Variants in PCDHA3 observed in about 807,000 individuals in gnomAD.
PCDHA3 encodes protocadherin alpha 3.
Under a neutral mutation model 62.2 loss-of-function variants are expected in PCDHA3, and 41 were observed. The observed-to-expected ratio is 0.66, with a 90% CI of 0.51 to 0.86. The LOEUF (loss-of-function observed/expected upper bound fraction) is 0.86, where lower values mean the gene tolerates loss of function less well. PCDHA3 is among the 40% of genes least tolerant of loss of function. The probability of loss-of-function intolerance (pLI) is 0.00; values close to 1 mark genes in which losing one functional copy is unlikely to be tolerated. For missense variants in PCDHA3, 1,304 were observed against 1,241.2 expected (o/e 1.05, Z -0.76); for synonymous variants, 640 against 555.4 (o/e 1.15, Z -2.14).
intron 1 of PCDHA3, chr5:140,858,285 G>T: frequency 6.3e-7 from 1 of 1,597,520 alleles, no homozygotes; most frequent in Non-Finnish European, 8.6e-7. Flanking sequence ...GTGGGGAGCT[G>T]GTCTTACTCG....
At chr5:141,007,145 A>C (rs528280563) in intron 3 of PCDHA3, among the ~76,000 whole-genome samples, 1 of 152,330 alleles carries the variant, frequency 6.6e-6, no homozygotes, top group Admixed American at 6.5e-5. Context: ...CTGACAAAGG[A>C]AACTGTCAAA....
intron 1 of PCDHA3, among the ~76,000 whole-genome samples, chr5:140,941,907 CT>C (rs1379926904): frequency 7.2e-5 from 11 of 152,106 alleles, no homozygotes; most frequent in African/African-American, 2.7e-4. Context: ...CATTGAAATG[CT>C]TTTATGTATA....
intron 1 of PCDHA3, chr5:140,869,346 T>G (rs781810947): frequency 4.3e-6 from 7 of 1,613,936 alleles, no homozygotes; most frequent in East Asian, 2.2e-5. Flanking sequence ...ATCTGCAGAA[T>G]GGCATTTTGT....
In PCDHA3 at chr5:140,801,156, G is replaced by T; in HGVS notation, c.-42G>T. 1 of 1,534,348 alleles carries T rather than the reference G, an allele frequency of 6.5e-7. No individual in the cohort carries two copies. Among genetic ancestry groups the T allele is most frequent in the Non-Finnish European group, 8.7e-7 (1 of 1,144,444 alleles). ...GGAACTCGAATTATTTTTAAACTTT[G>T]GATCAATGTAAAGGCAATCTAATAT... On this transcript the variant is annotated 5_prime_UTR_variant, in exon 1 of 4. Coordinates refer to ENST00000522353, the MANE Select transcript of PCDHA3 (RefSeq NM_018906.3).
At chr5:140,921,615 C>A (rs977929420) in intron 1 of PCDHA3, among the ~76,000 whole-genome samples, 13 of 152,090 alleles carry the variant, frequency 8.5e-5, no homozygotes, top group Non-Finnish European at 1.5e-4. Flanking sequence ...AGAAAAATAT[C>A]ATCAGATCAT....
chr5:140,992,017 CTGTGTGTGTGTGTGTG>C (rs10602499), intron 3 of PCDHA3, among the ~76,000 whole-genome samples: 31 of 145,626 alleles, frequency 2.1e-4, no homozygotes, highest in East Asian at 1.4e-3. Flanking sequence ...AGAGGTGGCT[CTGTGTGTGTGTGTGTG>C]TGTGTGTGTG....
intron 1 of PCDHA3, among the ~76,000 whole-genome samples, chr5:140,965,496 AT>A (rs71766133): frequency 0.14 from 20,233 of 145,920 alleles, 1,374 homozygotes; most frequent in Middle Eastern, 0.21. Flanking sequence ...ATGACAGCAG[AT>A]TTTTTTTTTT....
intron 1 of PCDHA3, chr5:140,966,547 G>A (rs2096020137): frequency 2.1e-6 from 1 of 467,502 alleles, no homozygotes; most frequent in Non-Finnish European, 3.6e-6. Context: ...ACTCGGAGGC[G>A]AGCGGAGGAG....
intron 3 of PCDHA3, among the ~76,000 whole-genome samples, chr5:140,999,049 A>C (rs962383659): frequency 1.3e-5 from 2 of 152,214 alleles, no homozygotes; most frequent in African/African-American, 4.8e-5. Flanking sequence ...TGTGCTTTCC[A>C]CCATGCCTAA....
At chr5:140,851,144 T>C in intron 1 of PCDHA3, 1 of 1,310,570 alleles carries the variant, frequency 7.6e-7, no homozygotes, top group Non-Finnish European at 9.9e-7. Context: ...TAAAGTGACA[T>C]TGAATTTCTG....
intron 1 of PCDHA3, among the ~76,000 whole-genome samples, chr5:140,948,548 A>G (rs1300192349): frequency 6.6e-6 from 1 of 151,532 alleles, no homozygotes; most frequent in Non-Finnish European, 1.5e-5. Flanking sequence ...TGCTCTGTCA[A>G]TTTTGTTAAG....
chr5:140,883,096 T>G (rs2059436763), intron 1 of PCDHA3: 1 of 1,614,006 alleles, frequency 6.2e-7, no homozygotes, highest in Non-Finnish European at 8.5e-7. Flanking sequence ...CAAATGGAGA[T>G]ATAGTTTACT....
chr5:140,860,972 C>G (rs539931081), intron 1 of PCDHA3: 1 of 152,196 alleles, frequency 6.6e-6, no homozygotes, highest in Non-Finnish European at 1.5e-5. Context: ...CTCCTGACCT[C>G]GTGATCCACC....
intron 1 of PCDHA3, chr5:140,835,991 C>T (rs781942603): frequency 1.2e-6 from 2 of 1,613,268 alleles, no homozygotes; most frequent in Non-Finnish European, 1.7e-6. Context: ...TCCAGGTGAG[C>T]GCGCGCGATG....
chr5:140,893,040 C>A (rs1554185508), intron 1 of PCDHA3, among the ~76,000 whole-genome samples: 1 of 152,226 alleles, frequency 6.6e-6, no homozygotes, highest in African/African-American at 2.4e-5. Flanking sequence ...AACATATGCC[C>A]TCCAGGCTCA....
Position 140,824,208 on chromosome 5 carries a change from T to A in PCDHA3, c.2394+20617T>A, listed in dbSNP as rs1554129802. ...GTCACATTCACCCACTTTTTTTGTA[T>A]TTAAAAATTATGTCTTAGTACACAA... On this transcript the variant is annotated intron_variant, in intron 1 of 3. Transcript: ENST00000522353. 4 of 1,587,540 alleles carry A rather than the reference T, an allele frequency of 2.5e-6. No homozygotes were observed. In the Admixed American group the frequency reaches 6.7e-5, roughly 27 times the overall value.
rs1263474406 is a variant in PCDHA3, at chr5:140,967,341, A to G, written c.2395-11608A>G. ...ACCTACGAGCTCAGCCCCAGCGAGCACTTCGAGCTGGACCTTAAGCCCCTG... is the reference window on the plus strand; with the variant it reads ...ACCTACGAGCTCAGCCCCAGCGAGCGCTTCGAGCTGGACCTTAAGCCCCTG... On this transcript the variant is annotated intron_variant, in intron 1 of 3. Coordinates refer to ENST00000522353, the MANE Select transcript of PCDHA3 (RefSeq NM_018906.3). 3 of 1,607,922 alleles carry G rather than the reference A, an allele frequency of 1.9e-6. No homozygotes were observed. The highest frequency in any genetic ancestry group is 1.3e-5 in the African/African-American group (1 of 74,782).
At chr5:140,978,572 A>T (rs1322135580) in intron 1 of PCDHA3, among the ~76,000 whole-genome samples, 2 of 152,234 alleles carry the variant, frequency 1.3e-5, no homozygotes, top group Non-Finnish European at 2.9e-5. Flanking sequence ...GTAATACTGA[A>T]TTGGGAATGT....
chr5:141,007,349 G>C (rs532404832), intron 3 of PCDHA3, among the ~76,000 whole-genome samples: 204 of 144,744 alleles, frequency 1.4e-3, no homozygotes, highest in Middle Eastern at 0.011. Flanking sequence ...TCAGGAGTTC[G>C]AGACCAGCCT....
Sources: allele counts gnomAD v4.1 joint callset (sites outside exome capture counted in the v4.1 genomes callset), GRCh38; gene constraint gnomAD v4.1.1; transcripts MANE v1.5; gene names NCBI Gene and HGNC (gene_info 2026-07-23, HGNC 2026-07-21).